SSBP2: variants seen among roughly 807,000 people sequenced by gnomAD.
SSBP2 encodes single-stranded DNA-binding protein 2.
SSBP2 carries 17 observed loss-of-function variants against 61.8 expected under a neutral mutation model. The observed-to-expected ratio is 0.28, with a 90% CI of 0.19 to 0.41. The LOEUF (loss-of-function observed/expected upper bound fraction) is 0.41. Ranked by LOEUF, SSBP2 falls within the 10% of genes least tolerant of loss-of-function variation. The pLI is 1.00. For synonymous variants in SSBP2, 139 were observed against 141.3 expected (o/e 0.98, Z 0.12); for missense variants, 310 against 458.7 (o/e 0.68, Z 2.96).
At chr5:81,432,988 G>A (rs917439554) in intron 15 of SSBP2, among the ~76,000 whole-genome samples, 24 of 150,178 alleles carry the variant, frequency 1.6e-4, no homozygotes, top group South Asian at 6.3e-4. Flanking sequence ...GAGGTGGGGG[G>A]GGTCAGACTC....
intron 1 of SSBP2, among the ~76,000 whole-genome samples, chr5:81,665,551 T>A (rs1232019703): frequency 6.6e-6 from 1 of 152,206 alleles, no homozygotes; most frequent in Admixed American, 6.5e-5. Context: ...TGGAGTGCAG[T>A]GGCGCAATCT....
At chr5:81,631,445 CTGAG>C (rs1441682250) in intron 3 of SSBP2, among the ~76,000 whole-genome samples, 1 of 150,312 alleles carries the variant, frequency 6.7e-6, no homozygotes, top group Non-Finnish European at 1.5e-5. Flanking sequence ...GTAAACCGTA[CTGAG>C]TAAGAAATTC....
At chr5:81,494,095 T>G (rs1485688705) in intron 5 of SSBP2, among the ~76,000 whole-genome samples, 2 of 152,208 alleles carry the variant, frequency 1.3e-5, no homozygotes, top group Non-Finnish European at 2.9e-5. Context: ...GAATGTTCTC[T>G]TCACCAAATG....
At chr5:81,493,251 C>CAGATAGATAGATAGATAGATAGAT (rs66763000) in intron 5 of SSBP2, among the ~76,000 whole-genome samples, 2 of 145,520 alleles carry the variant, frequency 1.4e-5, no homozygotes, top group Non-Finnish European at 3.0e-5. Flanking sequence ...ATGAACAAAA[C>CAGATAGATAGATAGATAGATAGAT]AGATAGATAG....
At chr5:81,565,565 C>T (rs933663643) in intron 4 of SSBP2, among the ~76,000 whole-genome samples, 1 of 152,132 alleles carries the variant, frequency 6.6e-6, no homozygotes, top group African/African-American at 2.4e-5. Context: ...TCCTTAACCA[C>T]AAGTTTGTCT....
At chr5:81,583,134 T>C (rs1774787706) in intron 4 of SSBP2, among the ~76,000 whole-genome samples, 1 of 152,040 alleles carries the variant, frequency 6.6e-6, no homozygotes, top group Non-Finnish European at 1.5e-5. Flanking sequence ...GGAGGATCCT[T>C]TGATCCCAGG....
At chr5:81,685,042 C>A (rs951485338) in intron 1 of SSBP2, among the ~76,000 whole-genome samples, 6 of 151,976 alleles carry the variant, frequency 3.9e-5, no homozygotes, top group Admixed American at 1.3e-4. Context: ...TGAGTTCTCA[C>A]GAGATCTGAT....
intron 1 of SSBP2, among the ~76,000 whole-genome samples, chr5:81,720,909 C>T (rs1361496943): frequency 6.6e-6 from 1 of 152,130 alleles, no homozygotes; most frequent in African/African-American, 2.4e-5. Flanking sequence ...TTAAAGTATA[C>T]ACACATATAT....
chr5:81,597,111 T>C (rs1743834677), intron 4 of SSBP2, among the ~76,000 whole-genome samples: 1 of 152,138 alleles, frequency 6.6e-6, no homozygotes, highest in Non-Finnish European at 1.5e-5. Context: ...AACCTACTCA[T>C]CTGACAAAGG....
At chr5:81,513,220 AATT>A (rs1251193298) in intron 5 of SSBP2, among the ~76,000 whole-genome samples, 2 of 152,216 alleles carry the variant, frequency 1.3e-5, no homozygotes, top group East Asian at 1.9e-4. Flanking sequence ...ATTCTTGATA[AATT>A]AATAAATTAT....
At chr5:81,458,105 A>AC (rs1764289817) in intron 10 of SSBP2, among the ~76,000 whole-genome samples, 1 of 149,180 alleles carries the variant, frequency 6.7e-6, no homozygotes, top group Non-Finnish European at 1.5e-5. Flanking sequence ...AGAAAGGCCA[A>AC]AACAAACAAA....
chr5:81,750,784 G>C, intron 1 of SSBP2, 197 bp downstream of exon 1: 1 of 601,002 alleles, frequency 1.7e-6, no homozygotes, highest in South Asian at 2.1e-5. Context: ...CCCTGCGGCC[G>C]CCCGCCCAGC....
intron 6 of SSBP2, among the ~76,000 whole-genome samples, chr5:81,488,565 T>C (rs1158731670): frequency 6.6e-6 from 1 of 152,084 alleles, no homozygotes; most frequent in Non-Finnish European, 1.5e-5. Flanking sequence ...ATTTTTTTTA[T>C]ATTATACTTT....
chr5:81,723,408 T>C (rs950368242), intron 1 of SSBP2, among the ~76,000 whole-genome samples: 6 of 152,022 alleles, frequency 3.9e-5, no homozygotes, highest in Admixed American at 2.0e-4. Flanking sequence ...CTCTTGCTTC[T>C]AGTCCCCATA....
chr5:81,556,131 A>G (rs545079723), intron 4 of SSBP2, among the ~76,000 whole-genome samples: 1 of 152,232 alleles, frequency 6.6e-6, no homozygotes, highest in East Asian at 1.9e-4. Flanking sequence ...GAGATATTGC[A>G]TATCATAATT....
At chr5:81,639,661 G>GT (rs752671379) in intron 2 of SSBP2, among the ~76,000 whole-genome samples, 3 of 151,984 alleles carry the variant, frequency 2.0e-5, no homozygotes, top group East Asian at 1.9e-4. Flanking sequence ...ATATGCCTTA[G>GT]TTTTTTTAGC....
chr5:81,714,432 C>A (rs779068401), intron 1 of SSBP2, among the ~76,000 whole-genome samples: 6 of 152,122 alleles, frequency 3.9e-5, no homozygotes, highest in Non-Finnish European at 8.8e-5. Flanking sequence ...AGTAATGAGA[C>A]TGCTGGTCAA....
intron 4 of SSBP2, among the ~76,000 whole-genome samples, chr5:81,597,847 A>G (rs1239800198): frequency 1.9e-5 from 2 of 105,618 alleles, no homozygotes; most frequent in African/African-American, 3.7e-5. Flanking sequence ...ATCACAAACC[A>G]GGGACTGTTG....
chr5:81,598,797 T>C (rs1185250409), intron 4 of SSBP2, among the ~76,000 whole-genome samples: 1 of 152,180 alleles, frequency 6.6e-6, no homozygotes, highest in Non-Finnish European at 1.5e-5. Flanking sequence ...CCCTCATACC[T>C]TTTGTTCTAG....
Sources: gnomAD v4.1 joint callset for allele counts (sites outside exome capture counted in the v4.1 genomes callset) on GRCh38, gnomAD v4.1.1 for gene constraint, MANE v1.5 for transcripts, NCBI Gene and HGNC (gene_info 2026-07-23, HGNC 2026-07-21) for gene names.